Variants in ADARB1 observed in about 807,000 individuals in gnomAD.
ADARB1 encodes the protein adenosine deaminase RNA specific B1, also known as double-stranded RNA-specific editase 1.
A neutral mutation model predicts 52.4 loss-of-function variants in ADARB1; 10 were observed. The observed-to-expected ratio is 0.19, with a 90% CI of 0.12 to 0.32. The LOEUF is 0.32. ADARB1 is among the 10% of genes least tolerant of loss of function. The probability of loss-of-function intolerance (pLI) is 1.00; values close to 1 mark genes in which losing one functional copy is unlikely to be tolerated. For missense variants in ADARB1, 643 were observed against 922.3 expected (o/e 0.70, Z 3.92); for synonymous variants, 349 against 371.1 (o/e 0.94, Z 0.68).
chr21:45,172,692 T>C lies in ADARB1; in HGVS notation c.28+1008T>C, dbSNP rs2091534657. On this transcript the variant is annotated intron_variant, in intron 3 of 10. Coordinates refer to ENST00000348831, the MANE Select transcript of ADARB1 (RefSeq NM_001112.4). This position sits in a 1 kb window ranked among gnomAD's most constrained non-coding sequence, Gnocchi z 4.4. The stretch of plus-strand genomic sequence containing the variant: ...TCTGCTCTATGGACTGTGTGCTAAG[T>C]GTTGGCTTTGGTTGAAGTCAGCCAT... Among the ~76,000 whole-genome samples the C allele has an allele frequency of 6.6e-6, 1 of 152,188 alleles. No individual in the cohort carries two copies. Among genetic ancestry groups the C allele is most frequent in the African/African-American group, 2.4e-5 (1 of 41,436 alleles).
intron 7 of ADARB1, among the ~76,000 whole-genome samples, chr21:45,183,715 G>A (rs1006360802): frequency 1.2e-4 from 18 of 152,210 alleles, no homozygotes; most frequent in African/African-American, 4.3e-4. Context: ...AATGCTGATT[G>A]TAATTAACCA....
At chr21:45,193,320 G>A (rs753271169) in intron 8 of ADARB1, among the ~76,000 whole-genome samples, 57 of 152,114 alleles carry the variant, frequency 3.7e-4, no homozygotes, top group Non-Finnish European at 7.6e-4. Context: ...CACAGAAAAG[G>A]CATTTTGCAA....
chr21:45,203,038 C>G (rs545021456), intron 8 of ADARB1, among the ~76,000 whole-genome samples: 89 of 152,256 alleles, frequency 5.8e-4, no homozygotes, highest in Non-Finnish European at 1.0e-3. Context: ...AACCCTGCAG[C>G]GCGTGCCACA....
intron 1 of ADARB1, among the ~76,000 whole-genome samples, chr21:45,126,929 G>A (rs534826094): frequency 6.6e-6 from 1 of 152,340 alleles, no homozygotes; most frequent in African/African-American, 2.4e-5. Context: ...GGGACATGAT[G>A]TGGGCACTAG....
intron 1 of ADARB1, among the ~76,000 whole-genome samples, chr21:45,111,047 A>C (rs2087510584): frequency 6.6e-6 from 1 of 152,128 alleles, no homozygotes; most frequent in Non-Finnish European, 1.5e-5. Context: ...TGTGTTGTTG[A>C]GAAGCGTTAC....
chr21:45,083,060 C>A (rs887144770), intron 1 of ADARB1, among the ~76,000 whole-genome samples: 1 of 152,202 alleles, frequency 6.6e-6, no homozygotes, highest in Non-Finnish European at 1.5e-5. Flanking sequence ...TTTCTGCCAT[C>A]TGTACCCACC....
rs143476355 is a variant in ADARB1, at chr21:45,088,831, C to T, written c.-220+14038C>T. On this transcript the variant is annotated intron_variant, in intron 1 of 10. Transcript: ENST00000348831. ...AGACAAGTTGCATCATATGCCGCCC[C>T]ACACCACATGGCATGTGCTCTGTCA... 5.4e-3 allele frequency among the ~76,000 whole-genome samples: 822 copies of T among 152,326 alleles called. 6 individuals carry two copies. Among genetic ancestry groups the T allele is most frequent in the Non-Finnish European group, 9.2e-3 (624 of 68,028 alleles).
intron 1 of ADARB1, among the ~76,000 whole-genome samples, chr21:45,101,412 C>T (rs1317892136): frequency 8.5e-5 from 13 of 152,256 alleles, no homozygotes; most frequent in African/African-American, 2.9e-4. Context: ...CTCCAGACAC[C>T]TAGGCTCCCT....
At position 45,142,686 on chromosome 21, in the gene ADARB1, G is replaced by A. The variant is rs1203501740; in HGVS notation, c.-48+14113G>A. Among the ~76,000 whole-genome samples, 7 of 152,188 alleles carry A rather than the reference G, an allele frequency of 4.6e-5. No individual in the cohort carries two copies. Among genetic ancestry groups the A allele is most frequent in the Admixed American group, 6.5e-5 (1 of 15,288 alleles). On this transcript the variant is annotated intron_variant, in intron 2 of 10. Coordinates refer to ENST00000348831, the MANE Select transcript of ADARB1 (RefSeq NM_001112.4). The surrounding 1 kb of genome is among the most constrained non-coding windows in gnomAD (Gnocchi z 4.0). ...TGCTCCCCATGAGGTGGTGGGAGCCGTGTGGGATCTGCCTACTGGGTGTGC... is the reference window on the plus strand; with the variant it reads ...TGCTCCCCATGAGGTGGTGGGAGCCATGTGGGATCTGCCTACTGGGTGTGC...
chr21:45,161,757 C>T lies in ADARB1; in HGVS notation c.-47-9853C>T, dbSNP rs116798496. On this transcript the variant is annotated intron_variant, in intron 2 of 10. Transcript: ENST00000348831. ...GGCCCAGGCTGTCAGTTCCACAGAC[C>T]GGAGTGAGAACTTACGGTGCTTTTC... Among the ~76,000 whole-genome samples, 501 of 152,266 alleles carry T rather than the reference C, an allele frequency of 3.3e-3. 4 individuals carry two copies. The highest frequency in any genetic ancestry group is 0.011 in the African/African-American group (453 of 41,566).
chr21:45,134,591 G>A lies in ADARB1; in HGVS notation c.-48+6018G>A, dbSNP rs1237599011. On this transcript the variant is annotated intron_variant, in intron 2 of 10. Coordinates refer to ENST00000348831, the MANE Select transcript of ADARB1 (RefSeq NM_001112.4). The stretch of plus-strand genomic sequence containing the variant: ...CAGCAGAGGCATATGCCTGACAGAG[G>A]CGTGGCTTAGTGTTCAGGGTCCATA... 10 of 371,520 alleles carry A rather than the reference G, an allele frequency of 2.7e-5. No homozygotes were observed. In the East Asian group the frequency reaches 7.3e-4, roughly 27 times the overall value. 23.0% of individuals were successfully genotyped at this position (371,520 alleles called of 1,614,324 possible). A position where few individuals can be genotyped will look rare whatever the true frequency, so the allele number is the denominator to read the frequency against.
At position 45,188,249 on chromosome 21, in the gene ADARB1, G is replaced by C. The variant is rs893724996; in HGVS notation, c.1565+3158G>C. On this transcript the variant is annotated intron_variant, in intron 8 of 10. Coordinates refer to ENST00000348831, the MANE Select transcript of ADARB1 (RefSeq NM_001112.4). The stretch of plus-strand genomic sequence containing the variant: ...AGCCTCCCGAGTAGCTGGGATTACA[G>C]GTGCCTACCACCATGCCCAGCTAAT... Among the ~76,000 whole-genome samples, 3 of 152,082 alleles carry C rather than the reference G, an allele frequency of 2.0e-5. No individual in the cohort carries two copies. The South Asian group carries it at 6.2e-4, about 32-fold the overall frequency.
intron 9 of ADARB1, among the ~76,000 whole-genome samples, chr21:45,215,719 T>C (rs1032415839): frequency 2.6e-5 from 4 of 152,250 alleles, no homozygotes; most frequent in Non-Finnish European, 4.4e-5. Flanking sequence ...TATTATGTGC[T>C]ATTCTTTTTA....
chr21:45,177,369 G>A (rs140113071), intron 4 of ADARB1: 1 of 152,322 alleles, frequency 6.6e-6, no homozygotes, highest in Non-Finnish European at 1.5e-5. Flanking sequence ...GCCCAGGCTG[G>A]AGGTGGACAG....
chr21:45,158,687 C>T (rs1356488163), intron 2 of ADARB1, among the ~76,000 whole-genome samples: 1 of 152,206 alleles, frequency 6.6e-6, no homozygotes, highest in African/African-American at 2.4e-5. Context: ...CACATCCCCA[C>T]ACCCCGCGGG....
intron 9 of ADARB1, among the ~76,000 whole-genome samples, chr21:45,213,525 T>C (rs369695082): frequency 6.6e-6 from 1 of 152,220 alleles, no homozygotes; most frequent in Non-Finnish European, 1.5e-5. Context: ...ACTTCAAAAT[T>C]GTCTTAGTAC....
Position 45,130,008 on chromosome 21 carries a change from T to C in ADARB1, c.-48+1435T>C, listed in dbSNP as rs555259376. Among the ~76,000 whole-genome samples the C allele has an allele frequency of 2.6e-5, 4 of 152,296 alleles. No homozygotes were observed. The South Asian group carries it at 8.3e-4, about 32-fold the overall frequency. On this transcript the variant is annotated intron_variant, in intron 2 of 10. Transcript: ENST00000348831. ...TGGGAAGGTCAAAATCAGGTCACCT[T>C]TATCATGGCTTGTGCTGTGGGATGG...
chr21:45,203,404 T>G (rs932636167), intron 8 of ADARB1, among the ~76,000 whole-genome samples: 1 of 152,184 alleles, frequency 6.6e-6, no homozygotes, highest in African/African-American at 2.4e-5. Flanking sequence ...TTACCTCAAT[T>G]TATAGTTCTT....
chr21:45,134,840 G>T, intron 2 of ADARB1: 1 of 534,086 alleles, frequency 1.9e-6, no homozygotes, highest in South Asian at 1.4e-5. Context: ...CAGGTCAGTG[G>T]GTGATGGCAT....
Sources: gnomAD v4.1 joint callset for allele counts (sites outside exome capture counted in the v4.1 genomes callset) on GRCh38, gnomAD v4.1.1 for gene constraint, Gnocchi (gnomAD v3.1) non-coding constraint, MANE v1.5 for transcripts, NCBI Gene and HGNC (gene_info 2026-07-23, HGNC 2026-07-21) for gene names.